The following GRIN2B variants were observed in gnomAD, a reference collection of about 807,000 sequenced individuals.
The protein encoded by GRIN2B is glutamate receptor ionotropic, NMDA 2B.
A neutral mutation model predicts 114.5 loss-of-function variants in GRIN2B; 5 were observed. The observed-to-expected ratio is 0.04, with a 90% CI of 0.02 to 0.09. The LOEUF (loss-of-function observed/expected upper bound fraction) is 0.09. Ranked by LOEUF, GRIN2B falls within the 10% of genes least tolerant of loss-of-function variation. The pLI is 1.00. For missense variants in GRIN2B, 1,108 were observed against 1,943.5 expected, an observed-to-expected ratio of 0.57 and a Z score of 8.08; for synonymous variants, 787 against 745.1, an observed-to-expected ratio of 1.06 and a Z score of -0.92.
At chr12:13,968,634 C>A (rs867683566) in intron 2 of GRIN2B, among the ~76,000 whole-genome samples, 2 of 152,170 alleles carry the variant, frequency 1.3e-5, no homozygotes, top group South Asian at 2.1e-4. Flanking sequence ...AATATATATC[C>A]TCTTTCATAA....
rs151310151 is a variant in GRIN2B at position 13,963,244 on chromosome 12, C to G, written c.-19+16684G>C. ...CTCTGGATCGCCCCCTTGGACACAC[C>G]TAATTTCTGGGCTTATTCTGTAACA... On this transcript the variant is annotated intron_variant, in intron 2 of 13. Transcript: ENST00000609686. 1.8e-3 allele frequency among the ~76,000 whole-genome samples: 279 copies of G among 152,234 alleles called. 1 individual carries two copies. The highest frequency in any genetic ancestry group is 6.5e-3 in the African/African-American group (271 of 41,548).
chr12:13,744,800 G>C (rs749786688), intron 4 of GRIN2B, among the ~76,000 whole-genome samples: 2 of 152,144 alleles, frequency 1.3e-5, no homozygotes. Flanking sequence ...GTCTGGGCGA[G>C]CTAACCCCAC....
chr12:13,781,612 GAC>G (rs1260076606), intron 3 of GRIN2B, among the ~76,000 whole-genome samples: 2 of 152,138 alleles, frequency 1.3e-5, no homozygotes, highest in Non-Finnish European at 2.9e-5. Context: ...AAAATACTCA[GAC>G]ACTGCCTGAG....
intron 3 of GRIN2B, among the ~76,000 whole-genome samples, chr12:13,857,971 C>T (rs1480062037): frequency 6.6e-6 from 1 of 152,050 alleles, no homozygotes; most frequent in African/African-American, 2.4e-5. Flanking sequence ...TCAGTACTGA[C>T]ATCACTGAGC....
chr12:13,817,590 C>T (rs771317506), intron 3 of GRIN2B, among the ~76,000 whole-genome samples: 5 of 152,202 alleles, frequency 3.3e-5, no homozygotes, highest in African/African-American at 1.2e-4. Flanking sequence ...CCTGTTGCTA[C>T]AGTTGCTGGT....
At chr12:13,697,099 G>A (rs772833851) in intron 4 of GRIN2B, among the ~76,000 whole-genome samples, 8 of 152,072 alleles carry the variant, frequency 5.3e-5, no homozygotes, top group African/African-American at 7.2e-5. Flanking sequence ...CCTGCTTGAT[G>A]AGGTTTATTC....
chr12:13,546,932 C>G lies in GRIN2B; in HGVS notation c.*15851G>C, dbSNP rs1948351495. On this transcript the variant is annotated 3_prime_UTR_variant, in exon 14 of 14. Coordinates refer to ENST00000609686, the MANE Select transcript of GRIN2B (RefSeq NM_000834.5). Reference sequence around the variant, plus strand: ...TGGCTTAATATTCCAGAGCACATCCCTCTCCACTAAGAGCCACTCACTATC... The same window carrying G: ...TGGCTTAATATTCCAGAGCACATCCGTCTCCACTAAGAGCCACTCACTATC... 6.6e-6 allele frequency: 1 copy of G among 152,194 alleles called. No homozygotes were observed. The highest frequency in any genetic ancestry group is 1.5e-5 in the Non-Finnish European group (1 of 68,040). 9.4% of individuals were successfully genotyped at this position (152,194 alleles called of 1,614,324 possible). A position where few individuals can be genotyped will look rare whatever the true frequency, so the allele number is the denominator to read the frequency against.
chr12:13,892,725 G>T (rs900353441), intron 2 of GRIN2B, among the ~76,000 whole-genome samples: 4 of 152,114 alleles, frequency 2.6e-5, no homozygotes, highest in Non-Finnish European at 4.4e-5. Context: ...GAATAACACG[G>T]GGGCCTAAAC....
In GRIN2B at chr12:13,911,951, G is replaced by A. The variant is rs539970407; in HGVS notation, c.-18-45725C>T. 1.1e-4 allele frequency among the ~76,000 whole-genome samples: 17 copies of A among 152,264 alleles called. No homozygotes were observed. In the South Asian group the frequency reaches 3.3e-3, roughly 30 times the overall value. On this transcript the variant is annotated intron_variant, in intron 2 of 13. Coordinates refer to ENST00000609686, the MANE Select transcript of GRIN2B (RefSeq NM_000834.5). ...CTTTGCCGTACTGTGCGTGCAGTGCGGAGAGACAGAGATGAAAGCAGCCAC... is the reference window on the plus strand; with the variant it reads ...CTTTGCCGTACTGTGCGTGCAGTGCAGAGAGACAGAGATGAAAGCAGCCAC...
At chr12:13,975,805 C>T (rs1863009222) in intron 2 of GRIN2B, among the ~76,000 whole-genome samples, 1 of 152,180 alleles carries the variant, frequency 6.6e-6, no homozygotes, top group Admixed American at 6.5e-5. Context: ...TCAGGATAAA[C>T]TAAGAAGCAT....
chr12:13,847,650 C>T (rs1052822157), intron 3 of GRIN2B, among the ~76,000 whole-genome samples: 4 of 151,864 alleles, frequency 2.6e-5, no homozygotes, highest in African/African-American at 7.3e-5. Context: ...GGCAGAGAGA[C>T]ACGAACCAGA....
intron 5 of GRIN2B, among the ~76,000 whole-genome samples, chr12:13,629,705 C>T (rs1387017372): frequency 6.6e-6 from 1 of 151,732 alleles, no homozygotes; most frequent in African/African-American, 2.4e-5. Flanking sequence ...TCTCTCTTGC[C>T]TCCCTGCCTT....
chr12:13,728,286 T>G lies in GRIN2B; in HGVS notation c.1010+25031A>C, dbSNP rs200297220. On this transcript the variant is annotated intron_variant, in intron 4 of 13. Transcript: ENST00000609686. ...GTTGGGTAGGACTAACTTTGGGGTA[T>G]GGGAACCAATAAACTTTTAGGGAGA... 3.3e-5 allele frequency among the ~76,000 whole-genome samples: 5 copies of G among 152,242 alleles called. No individual in the cohort carries two copies. In the East Asian group the frequency reaches 7.7e-4, roughly 24 times the overall value.
At chr12:13,757,901 C>T (rs1345221538) in intron 3 of GRIN2B, among the ~76,000 whole-genome samples, 1 of 152,086 alleles carries the variant, frequency 6.6e-6, no homozygotes, top group Admixed American at 6.5e-5. Flanking sequence ...TTAGCAGTAC[C>T]TAAGATTCCT....
At chr12:13,610,168 T>G (rs894353901) in intron 9 of GRIN2B, 1 of 152,202 alleles carries the variant, frequency 6.6e-6, no homozygotes, top group Non-Finnish European at 1.5e-5. Context: ...TCTGTGCGTG[T>G]GGACCTTATT....
At chr12:13,673,129 G>C (rs1950039004) in intron 5 of GRIN2B, among the ~76,000 whole-genome samples, 1 of 152,102 alleles carries the variant, frequency 6.6e-6, no homozygotes, top group African/African-American at 2.4e-5. Flanking sequence ...AAATCTATAG[G>C]GGACAAGGGA....
chr12:13,615,472 A>G lies in GRIN2B; in HGVS notation c.1500+21T>C. On this transcript the variant is annotated intron_variant, in intron 7 of 13. Transcript: ENST00000609686. This position sits in a 1 kb window ranked among gnomAD's most constrained non-coding sequence, Gnocchi z 5.8. ...AAAATAAATGAAAATGGAAATGGAA[A>G]CAGCCCTTGTGGACACTCACCTCTC... is the stretch of plus-strand genomic sequence containing the variant. The G allele has an allele frequency of 3.1e-6, 5 of 1,599,764 alleles. No individual in the cohort carries two copies. The highest frequency in any genetic ancestry group is 4.3e-6 in the Non-Finnish European group (5 of 1,166,882).
chr12:13,563,931 C>G lies in GRIN2B; in HGVS notation c.3307G>C (p.Asp1103His). The change falls in exon 14 of 14, where the codon GAC becomes CAC. Residue 1103 changes from aspartate to histidine, a missense_variant. Physicochemically the swap from Asp to His is moderately conservative, Grantham distance 81. Transcript: ENST00000609686. ...PASAKSRREF[D>H]EIELAYRRRP... ...CGACGGTAGGCCAGCTCGATCTCGT[C>G]AAACTCCCTGCGGGACTTGGCCGAG... The G allele has an allele frequency of 1.2e-6, 2 of 1,614,218 alleles. No individual in the cohort carries two copies. The highest frequency in any genetic ancestry group is 8.5e-7 in the Non-Finnish European group (1 of 1,180,040).
intron 2 of GRIN2B, among the ~76,000 whole-genome samples, chr12:13,909,440 G>A (rs1206683461): frequency 5.3e-5 from 8 of 152,330 alleles, no homozygotes; most frequent in Admixed American, 2.6e-4. Flanking sequence ...TCCTAGTGAC[G>A]TAGAACCTGA....
Sources: gnomAD v4.1 joint callset for allele counts (sites outside exome capture counted in the v4.1 genomes callset) on GRCh38, gnomAD v4.1.1 for gene constraint, Gnocchi (gnomAD v3.1) non-coding constraint, MANE v1.5 for transcripts, NCBI Gene and HGNC (gene_info 2026-07-23, HGNC 2026-07-21) for gene names.